Variants in PAPPA2 observed in about 807,000 individuals in gnomAD.
The protein encoded by PAPPA2 is pappalysin-2.
In PAPPA2, 86 loss-of-function variants were observed where a neutral mutation model predicts 176.4. The ratio of observed to expected loss-of-function variants is 0.49; its 90% CI spans 0.41 to 0.58. The LOEUF (loss-of-function observed/expected upper bound fraction) is 0.58, where lower values mean the gene tolerates loss of function less well. Among genes scored for constraint, PAPPA2 ranks in the 20% least tolerant of loss-of-function variants. The probability of loss-of-function intolerance (pLI) is 0.00; values close to 1 mark genes in which losing one functional copy is unlikely to be tolerated. For missense variants in PAPPA2, 2,073 were observed against 2,256.9 expected (o/e 0.92, Z 1.65); for synonymous variants, 809 against 852.2 (o/e 0.95, Z 0.88).
chr1:176,572,834 C>A (rs1652429696), intron 2 of PAPPA2, among the ~76,000 whole-genome samples: 2 of 152,126 alleles, frequency 1.3e-5, no homozygotes, highest in Non-Finnish European at 2.9e-5. Context: ...TTTCTTCATG[C>A]TTGCTTTAAA....
At chr1:176,508,939 T>A (rs1273979972) in intron 1 of PAPPA2, among the ~76,000 whole-genome samples, 1 of 152,028 alleles carries the variant, frequency 6.6e-6, no homozygotes, top group Non-Finnish European at 1.5e-5. Context: ...TAAAAATAAA[T>A]TACTCAGTCT....
chr1:176,695,929 G>T (rs937070133), intron 7 of PAPPA2, 70 bp downstream of exon 7: 9 of 1,580,726 alleles, frequency 5.7e-6, no homozygotes, highest in Non-Finnish European at 7.7e-6. Context: ...GTAAAGAGTG[G>T]AGTAGTGACA....
At chr1:176,564,319 G>A (rs1651833991) in intron 2 of PAPPA2, among the ~76,000 whole-genome samples, 1 of 152,172 alleles carries the variant, frequency 6.6e-6, no homozygotes, top group African/African-American at 2.4e-5. Context: ...TTCTGTAAAA[G>A]GACAGATAGT....
intron 12 of PAPPA2, among the ~76,000 whole-genome samples, chr1:176,718,708 T>TAA (rs536900960): frequency 6.9e-6 from 1 of 145,674 alleles, no homozygotes; most frequent in East Asian, 2.0e-4. Flanking sequence ...CTTTTTTTTT[T>TAA]AAAAAAAAAA....
intron 3 of PAPPA2, among the ~76,000 whole-genome samples, chr1:176,598,445 A>T (rs983944131): frequency 6.6e-6 from 1 of 152,134 alleles, no homozygotes. Context: ...TGTTGAATCA[A>T]TTGTATGTAT....
intron 4 of PAPPA2, among the ~76,000 whole-genome samples, chr1:176,677,220 A>T (rs1311733583): frequency 1.3e-5 from 2 of 152,202 alleles, no homozygotes; most frequent in African/African-American, 4.8e-5. Context: ...GAATTTTCTA[A>T]ATAGAGCCTT....
rs527575470 is a variant in PAPPA2, at chr1:176,558,935, G to A, written c.919+1694G>A. ...GGTGGCTCTAAGGGGCTGCTGCTTT[G>A]GGTTACTAGAGGCCAAACCTGGGGA... is the stretch of plus-strand genomic sequence containing the variant. On this transcript the variant is annotated intron_variant, in intron 2 of 22. Transcript: ENST00000367662. Among the ~76,000 whole-genome samples the A allele has an allele frequency of 2.0e-5, 3 of 152,270 alleles. No homozygotes were observed. In the South Asian group the frequency reaches 6.2e-4, roughly 32 times the overall value.
At chr1:176,572,435 G>A (rs1652403869) in intron 2 of PAPPA2, among the ~76,000 whole-genome samples, 1 of 152,106 alleles carries the variant, frequency 6.6e-6, no homozygotes, top group Non-Finnish European at 1.5e-5. Context: ...AGAACACACA[G>A]ACTGTTTCCT....
In PAPPA2 at chr1:176,800,219, T is replaced by C. The variant is rs1320196060; in HGVS notation, c.5202+87T>C. ...GCTTGAATCCTTCTAATTTAGGACC[T>C]GGTCCCTCTCCTATTCCTCTGTCCT... is the stretch of plus-strand genomic sequence containing the variant. On this transcript the variant is annotated intron_variant, in intron 21 of 22. Coordinates refer to ENST00000367662, the MANE Select transcript of PAPPA2 (RefSeq NM_020318.3). 8 of 1,302,410 alleles carry C rather than the reference T, an allele frequency of 6.1e-6. No homozygotes were observed. The East Asian group carries it at 1.9e-4, about 31-fold the overall frequency. 80.7% of individuals were successfully genotyped at this position (1,302,410 alleles called of 1,614,324 possible). A position where few individuals can be genotyped will look rare whatever the true frequency, so the allele number is the denominator to read the frequency against.
intron 17 of PAPPA2, among the ~76,000 whole-genome samples, chr1:176,776,391 A>G (rs745899479): frequency 1.3e-5 from 2 of 152,164 alleles, no homozygotes; most frequent in Non-Finnish European, 2.9e-5. Context: ...CTTGTGGGTA[A>G]TTGTAAACAT....
intron 3 of PAPPA2, among the ~76,000 whole-genome samples, chr1:176,659,236 T>C (rs1406628147): frequency 6.6e-6 from 1 of 151,966 alleles, no homozygotes; most frequent in Non-Finnish European, 1.5e-5. Flanking sequence ...CAGTAATATA[T>C]TGTCTCACAG....
chr1:176,807,265 G>T (rs1156987615), intron 21 of PAPPA2, among the ~76,000 whole-genome samples: 1 of 152,156 alleles, frequency 6.6e-6, no homozygotes, highest in Non-Finnish European at 1.5e-5. Context: ...CAATACAAGT[G>T]TGTGTATATG....
At chr1:176,787,619 A>G (rs754899474) in intron 17 of PAPPA2, among the ~76,000 whole-genome samples, 1 of 152,150 alleles carries the variant, frequency 6.6e-6, no homozygotes, top group Non-Finnish European at 1.5e-5. Context: ...CACTCCACTT[A>G]TTTCTAAGTA....
intron 14 of PAPPA2, among the ~76,000 whole-genome samples, chr1:176,750,865 T>C (rs892825967): frequency 2.6e-5 from 4 of 152,174 alleles, no homozygotes; most frequent in Admixed American, 2.0e-4. Flanking sequence ...TGGTCCTATA[T>C]GCAAAGCAAA....
rs1461648617 is a variant in PAPPA2 at position 176,690,409 on chromosome 1, A to G, written c.2410A>G (p.Thr804Ala). The G allele has an allele frequency of 6.8e-6, 11 of 1,614,134 alleles. No individual in the cohort carries two copies. The highest frequency in any genetic ancestry group is 1.1e-5 in the South Asian group (1 of 91,082). ...GFTRFPGAPF[T>A]NYMSYTDDNC... Reference sequence around the variant, plus strand: ...CACTCGCTTCCCAGGGGCTCCGTTCACCAACTACATGAGCTACACGGGTAT... The same window carrying G: ...CACTCGCTTCCCAGGGGCTCCGTTCGCCAACTACATGAGCTACACGGGTAT... Residue 804 changes from threonine to alanine, a missense_variant, in exon 5 of 23, where the codon ACC (threonine) becomes GCC (alanine). By Grantham distance (58) the Thr-to-Ala change is moderately conservative (BLOSUM62 0). This residue lies in a region of PAPPA2 where 1,196 missense variants were observed against 1,330.4 expected (regional missense o/e 0.90). Coordinates refer to ENST00000367662, the MANE Select transcript of PAPPA2 (RefSeq NM_020318.3).
chr1:176,712,098 T>G (rs1191041565), intron 12 of PAPPA2, 117 bp downstream of exon 12: 12 of 1,290,568 alleles, frequency 9.3e-6, no homozygotes, highest in Non-Finnish European at 4.2e-6. Flanking sequence ...AATTTTCTTT[T>G]GTTATCTCAA....
chr1:176,606,436 G>A (rs948566245), intron 3 of PAPPA2, among the ~76,000 whole-genome samples: 1 of 152,134 alleles, frequency 6.6e-6, no homozygotes, highest in Non-Finnish European at 1.5e-5. Context: ...ACTACTATGG[G>A]CTTAGGGATT....
chr1:176,687,671 C>T (rs2102800661), intron 4 of PAPPA2, among the ~76,000 whole-genome samples: 1 of 152,176 alleles, frequency 6.6e-6, no homozygotes, highest in East Asian at 1.9e-4. Flanking sequence ...GCCTGTCTGG[C>T]CATAGGATGT....
In PAPPA2 at chr1:176,595,379, G is replaced by T; in HGVS notation, c.1775G>T (p.Gly592Val). ...VLVNCEPSKI[G>V]NDHCDPECEH... Reference sequence around the variant, plus strand: ...GTGAACTGTGAGCCCAGCAAGATTGGCAATGACCATTGTGACCCCGAGTGT... The same window carrying T: ...GTGAACTGTGAGCCCAGCAAGATTGTCAATGACCATTGTGACCCCGAGTGT... Residue 592 changes from glycine (G) to valine (V), a missense_variant, in exon 3 of 23, where the codon GGC becomes GTC. Physicochemically the swap from Gly to Val is moderately radical, Grantham distance 109. Around this residue, in one of 4 missense-constraint regions of PAPPA2, gnomAD observed 1,196 missense variants for 1,330.4 expected, o/e 0.90. Coordinates refer to ENST00000367662, the MANE Select transcript of PAPPA2 (RefSeq NM_020318.3). 6.2e-7 allele frequency: 1 copy of T among 1,614,218 alleles called. No individual in the cohort carries two copies. Among genetic ancestry groups the T allele is most frequent in the African/African-American group, 1.3e-5 (1 of 75,064 alleles).
Sources: gnomAD v4.1 joint callset for allele counts (sites outside exome capture counted in the v4.1 genomes callset) on GRCh38, gnomAD v4.1.1 for gene constraint, gnomAD v4.1.1 regional missense constraint, MANE v1.5 for transcripts, NCBI Gene and HGNC (gene_info 2026-07-23, HGNC 2026-07-21) for gene names.